Variants in SLC39A9 observed in about 807,000 individuals in gnomAD.
SLC39A9 encodes solute carrier family 39 member 9.
A neutral mutation model predicts 28.4 loss-of-function variants in SLC39A9; 14 were observed. The ratio of observed to expected loss-of-function variants is 0.49; its 90% CI spans 0.33 to 0.77. The LOEUF (loss-of-function observed/expected upper bound fraction) is 0.77. Ranked by LOEUF, SLC39A9 falls within the 30% of genes least tolerant of loss-of-function variation. SLC39A9 has a pLI of 0.02. For synonymous variants in SLC39A9, 119 were observed against 149.6 expected, an observed-to-expected ratio of 0.80 and a Z score of 1.49; for missense variants, 283 against 381.1, an observed-to-expected ratio of 0.74 and a Z score of 2.14.
At chr14:69,403,993 A>G (rs1309789886) in intron 1 of SLC39A9, among the ~76,000 whole-genome samples, 1 of 152,192 alleles carries the variant, frequency 6.6e-6, no homozygotes, top group Non-Finnish European at 1.5e-5. Flanking sequence ...CAGTGAACCA[A>G]CATTGCGCCA....
In SLC39A9 at chr14:69,411,852, G is replaced by A. The variant is rs967822581; in HGVS notation, c.97-12242G>A. On this transcript the variant is annotated intron_variant, in intron 1 of 6. Coordinates refer to ENST00000336643, the MANE Select transcript of SLC39A9 (RefSeq NM_018375.5). Reference sequence around the variant, plus strand: ...GGCTGGAGTGCAGTGGCGGGATCTCGGCTCACTGCAACCTCTGCCTCCCAG... The same window carrying A: ...GGCTGGAGTGCAGTGGCGGGATCTCAGCTCACTGCAACCTCTGCCTCCCAG... 3.3e-5 allele frequency among the ~76,000 whole-genome samples: 5 copies of A among 149,416 alleles called. No individual in the cohort carries two copies. The South Asian group carries it at 8.5e-4, about 25-fold the overall frequency.
chr14:69,454,185 T>C (rs1363610882), intron 4 of SLC39A9, among the ~76,000 whole-genome samples: 1 of 152,238 alleles, frequency 6.6e-6, no homozygotes, highest in Non-Finnish European at 1.5e-5. Context: ...CTAAGTATAA[T>C]ATGCTTTTCT....
rs188324798 is a variant in SLC39A9, at chr14:69,436,052, C to T, written c.206-6017C>T. ...TTTTTCAGTTCTAAAATTTCCAGTT[C>T]GTTTCTTTTTATAAGTGTCTGTTTC... is the stretch of plus-strand genomic sequence containing the variant. On this transcript the variant is annotated intron_variant, in intron 2 of 6. Transcript: ENST00000336643. 7.2e-5 allele frequency among the ~76,000 whole-genome samples: 11 copies of T among 152,098 alleles called. No homozygotes were observed. In the East Asian group the frequency reaches 7.7e-4, roughly 11 times the overall value.
intron 3 of SLC39A9, among the ~76,000 whole-genome samples, chr14:69,452,761 T>C (rs1209108784): frequency 6.6e-6 from 1 of 152,074 alleles, no homozygotes; most frequent in Non-Finnish European, 1.5e-5. Flanking sequence ...GTGATGGCAA[T>C]AAAAATGTGA....
At chr14:69,420,661 A>T (rs1009282457) in intron 1 of SLC39A9, among the ~76,000 whole-genome samples, 4 of 152,122 alleles carry the variant, frequency 2.6e-5, no homozygotes, top group African/African-American at 9.7e-5. Context: ...TGGTCTTTTC[A>T]CATAGTCCCA....
In SLC39A9 at chr14:69,399,455, A is replaced by G. The variant is rs1882498405; in HGVS notation, c.86A>G (p.Asn29Ser). 1.2e-6 allele frequency: 2 copies of G among 1,613,464 alleles called. No homozygotes were observed. Among genetic ancestry groups the G allele is most frequent in the Non-Finnish European group, 1.7e-6 (2 of 1,179,804 alleles). Residue 29 changes from asparagine (N) to serine (S), a missense_variant, in exon 1 of 7, where the codon AAT becomes AGT. By Grantham distance (46) the Asn-to-Ser change is conservative. Coordinates refer to ENST00000336643, the MANE Select transcript of SLC39A9 (RefSeq NM_018375.5). ...YVAGIIPLAV[N>S]FSEERLKLVT... is the part of the protein sequence containing the mutation. ...GCCGGAATCATTCCCTTGGCTGTTA[A>G]TTTCTCAGAGGTAAGAAATTCTCAA...
chr14:69,455,655 CAA>C, intron 5 of SLC39A9, 75 bp from the exon 6 acceptor site: 1 of 1,564,190 alleles, frequency 6.4e-7, no homozygotes, highest in Non-Finnish European at 8.7e-7. Context: ...AAATCATAGT[CAA>C]ATGGCATATA....
chr14:69,421,998 TC>T (rs1291620131), intron 1 of SLC39A9, among the ~76,000 whole-genome samples: 1 of 152,078 alleles, frequency 6.6e-6, no homozygotes, highest in African/African-American at 2.4e-5. Flanking sequence ...CAGCTCACCC[TC>T]CCTGGGCTGC....
chr14:69,398,662 G>T (rs1397449356), upstream of SLC39A9: 4 of 255,948 alleles, frequency 1.6e-5, no homozygotes, highest in East Asian at 2.5e-4. Flanking sequence ...AAAGGAGGGG[G>T]TGGTTAGACA....
chr14:69,406,674 C>T (rs1021993414), intron 1 of SLC39A9, among the ~76,000 whole-genome samples: 3 of 138,452 alleles, frequency 2.2e-5, no homozygotes, highest in Non-Finnish European at 4.6e-5. Context: ...GGCAACAGAG[C>T]GAGACTGTCT....
intron 1 of SLC39A9, among the ~76,000 whole-genome samples, chr14:69,422,071 C>G (rs1057175275): frequency 1.3e-5 from 2 of 152,122 alleles, no homozygotes; most frequent in South Asian, 4.1e-4. Flanking sequence ...ATGCAGAAAT[C>G]ACCTGTCTTC....
chr14:69,461,818 C>T lies in SLC39A9; in HGVS notation c.*3225C>T. On this transcript the variant is annotated 3_prime_UTR_variant, in exon 7 of 7. Transcript: ENST00000336643. ...ACAAACCCCCAAAGGATGTTCCTGC[C>T]TTGTGGGCCCCTGAGCCCCTTGGGA... 1 of 1,430,560 alleles carries T rather than the reference C, an allele frequency of 7.0e-7. No homozygotes were observed. The highest frequency in any genetic ancestry group is 9.4e-7 in the Non-Finnish European group (1 of 1,063,222). 88.6% of individuals were successfully genotyped at this position (1,430,560 alleles called of 1,614,324 possible).
chr14:69,417,647 G>C (rs993964152), intron 1 of SLC39A9, among the ~76,000 whole-genome samples: 1 of 152,070 alleles, frequency 6.6e-6, no homozygotes, highest in Admixed American at 6.6e-5. Context: ...CTTTTATTTC[G>C]TTGAGCAGTG....
chr14:69,408,365 G>A (rs1883058600), intron 1 of SLC39A9, among the ~76,000 whole-genome samples: 1 of 152,156 alleles, frequency 6.6e-6, no homozygotes, highest in Non-Finnish European at 1.5e-5. Flanking sequence ...ATTACTTTAT[G>A]CTTTCTCTTT....
chr14:69,399,546 TAG>T, intron 1 of SLC39A9, 81 bp downstream of exon 1: 11 of 1,067,682 alleles, frequency 1.0e-5, no homozygotes, highest in African/African-American at 3.2e-5. Context: ...GCTGCTTCCC[TAG>T]TTAAATCTCA....
At chr14:69,402,330 C>T (rs963335376) in intron 1 of SLC39A9, among the ~76,000 whole-genome samples, 12 of 152,038 alleles carry the variant, frequency 7.9e-5, no homozygotes, top group Non-Finnish European at 1.5e-4. Flanking sequence ...GCCCACGAGC[C>T]ATGAGTTGGA....
intron 3 of SLC39A9, among the ~76,000 whole-genome samples, chr14:69,449,103 CG>C (rs1885481968): frequency 6.6e-6 from 1 of 152,024 alleles, no homozygotes; most frequent in African/African-American, 2.4e-5. Context: ...TGGTCTAGAA[CG>C]GTTTTTAATC....
At chr14:69,429,845 C>T (rs1372562109) in intron 2 of SLC39A9, among the ~76,000 whole-genome samples, 2 of 152,158 alleles carry the variant, frequency 1.3e-5, no homozygotes, top group Non-Finnish European at 2.9e-5. Context: ...AGTTCCAGTT[C>T]TCCCCTTCCT....
At chr14:69,431,308 G>A (rs368766873) in intron 2 of SLC39A9, among the ~76,000 whole-genome samples, 5 of 151,828 alleles carry the variant, frequency 3.3e-5, no homozygotes, top group South Asian at 2.1e-4. Flanking sequence ...ATTTCATTAC[G>A]TATAGGCACT....
Sources: gnomAD v4.1 joint callset for allele counts (sites outside exome capture counted in the v4.1 genomes callset) on GRCh38, gnomAD v4.1.1 for gene constraint, MANE v1.5 for transcripts, NCBI Gene and HGNC (gene_info 2026-07-23, HGNC 2026-07-21) for gene names.